ELF3: variants seen among roughly 807,000 people sequenced by gnomAD.
ELF3 encodes E74 like ETS transcription factor 3, also known as ETS-related transcription factor Elf-3.
ELF3 carries 18 observed loss-of-function variants against 43.9 expected under a neutral mutation model. The observed-to-expected ratio is 0.41, with a 90% CI of 0.28 to 0.61. The LOEUF (loss-of-function observed/expected upper bound fraction) is 0.61. Ranked by LOEUF, ELF3 falls within the 20% of genes least tolerant of loss-of-function variation. ELF3 has a pLI of 0.30. For missense variants in ELF3, 373 were observed against 487.7 expected (o/e 0.76, Z 2.21); for synonymous variants, 181 against 190.2 (o/e 0.95, Z 0.40).
rs1233101197 is a variant in ELF3, at chr1:202,015,881, G to A, written c.*558G>A. 6.4e-6 allele frequency: 1 copy of A among 156,160 alleles called. No individual in the cohort carries two copies. Among genetic ancestry groups the A allele is most frequent in the African/African-American group, 2.4e-5 (1 of 41,520 alleles). The allele number at this position is 156,160 out of a possible 1,614,324, so 9.7% of individuals were successfully genotyped here. On this transcript the variant is annotated 3_prime_UTR_variant, in exon 9 of 9. Coordinates refer to ENST00000367284, the MANE Select transcript of ELF3 (RefSeq NM_004433.5). ...CCCCTCCCCACTCCTCTCCCACAGA[G>A]TGCTGGACTGTTCCAGGCCCTCCAG...
rs1196495674 is a variant in ELF3 at position 202,015,563 on chromosome 1, G to C, written c.*240G>C. ...GGGGTTTGAAGCTGACTTTATAGCT[G>C]CAAGTGTATCTCCTTTTATCTGGTG... On this transcript the variant is annotated 3_prime_UTR_variant, in exon 9 of 9. Coordinates refer to ENST00000367284, the MANE Select transcript of ELF3 (RefSeq NM_004433.5). 7.6e-6 allele frequency: 4 copies of C among 525,068 alleles called. No individual in the cohort carries two copies. Among genetic ancestry groups the C allele is most frequent in the Non-Finnish European group, 1.4e-5 (4 of 289,780 alleles). 32.5% of individuals were successfully genotyped at this position (525,068 alleles called of 1,614,324 possible).
Position 202,013,561 on chromosome 1 carries a change from C to A in ELF3, c.805+263C>A, listed in dbSNP as rs1684255473. Among the ~76,000 whole-genome samples, 1 of 152,116 alleles carries A rather than the reference C, an allele frequency of 6.6e-6. No individual in the cohort carries two copies. The highest frequency in any genetic ancestry group is 2.4e-5 in the African/African-American group (1 of 41,360). ...GAGTCCTGTCCACTGACTCCAGTGT[C>A]CTGTCCACTGACTCCAGTTCTCTCT... On this transcript the variant is annotated intron_variant, in intron 7 of 8. Coordinates refer to ENST00000367284, the MANE Select transcript of ELF3 (RefSeq NM_004433.5). The surrounding 1 kb of genome is among the most constrained non-coding windows in gnomAD (Gnocchi z 5.7).
Position 202,011,124 on chromosome 1 carries a change from C to A in ELF3, c.-8-5C>A. ...CAACCTCATCCTCTCTCCCCCTACC[C>A]ACAGGTAGCCTCATGGCTGCAACCT... is the stretch of plus-strand genomic sequence containing the variant. On this transcript the variant is annotated splice_region_variant and splice_polypyrimidine_tract_variant and intron_variant, in intron 1 of 8. Coordinates refer to ENST00000367284, the MANE Select transcript of ELF3 (RefSeq NM_004433.5). The A allele has an allele frequency of 1.2e-6, 2 of 1,613,898 alleles. No individual in the cohort carries two copies. The highest frequency in any genetic ancestry group is 2.2e-5 in the South Asian group (2 of 91,064).
At chr1:202,014,159 G>A (rs2102994230) in intron 8 of ELF3, 135 bp downstream of exon 8, 1 of 1,093,620 alleles carries the variant, frequency 9.1e-7, no homozygotes, top group East Asian at 2.6e-5. Context: ...CAACATCTGG[G>A]TTGGTCTACT....
rs751475674 is a variant in ELF3, at chr1:202,013,240, G to A, written c.747G>A (p.Arg249=). The A allele has an allele frequency of 1.2e-6, 2 of 1,614,172 alleles. No homozygotes were observed. The highest frequency in any genetic ancestry group is 3.3e-5 in the Admixed American group (2 of 60,018). ...DPKHGKRKRG[R]PRKLSKEYWD... ...AGCACGGGAAGCGGAAACGAGGCCGGCCCCGAAAGCTGAGCAAAGAGTACT... is the reference window on the plus strand; with the variant it reads ...AGCACGGGAAGCGGAAACGAGGCCGACCCCGAAAGCTGAGCAAAGAGTACT... Residue 249 remains arginine (R), a synonymous_variant, in exon 7 of 9, where the codon CGG becomes CGA. Transcript: ENST00000367284. This position sits in a 1 kb window ranked among gnomAD's most constrained non-coding sequence, Gnocchi z 5.7.
rs949111193 is a variant in ELF3 at position 202,015,237 on chromosome 1, C to T, written c.1030C>T (p.Arg344Trp). 2.5e-6 allele frequency: 4 copies of T among 1,613,818 alleles called. No individual in the cohort carries two copies. Among genetic ancestry groups the T allele is most frequent in the East Asian group, 2.2e-5 (1 of 44,834 alleles). Residue 344 changes from arginine (R) to tryptophan (W), a missense_variant, in exon 9 of 9, where the codon CGG becomes TGG. Arg to Trp is a moderately radical substitution (Grantham distance 101, BLOSUM62 -3). This residue lies in a region of ELF3 where 61 missense variants were observed against 115.9 expected (regional missense o/e 0.53). Coordinates refer to ENST00000367284, the MANE Select transcript of ELF3 (RefSeq NM_004433.5). ...RYYYKREILE[R>W]VDGRRLVYKF... ...CTACTACAAACGGGAGATCCTGGAACGGGTGGATGGCCGGCGACTCGTCTA... is the reference window on the plus strand; with the variant it reads ...CTACTACAAACGGGAGATCCTGGAATGGGTGGATGGCCGGCGACTCGTCTA...
Position 202,010,845 on chromosome 1 carries a change from CAGAG to C in ELF3, c.-9+145_-9+148del. 2.4e-6 allele frequency: 1 copy of C among 409,374 alleles called. No individual in the cohort carries two copies. Among genetic ancestry groups the C allele is most frequent in the South Asian group, 2.6e-5 (1 of 39,038 alleles). The allele number at this position is 409,374 out of a possible 1,614,324, so 25.4% of individuals were successfully genotyped here. A position where few individuals can be genotyped will look rare whatever the true frequency, so the allele number is the denominator to read the frequency against. ...CGTAGGTGTCCTGAGGGTCAAAGAA[CAGAG>C]AGAGATTGTCTCTGGGAAGGCAGAA... On this transcript the variant is annotated intron_variant, in intron 1 of 8. Coordinates refer to ENST00000367284, the MANE Select transcript of ELF3 (RefSeq NM_004433.5). The surrounding 1 kb of genome is among the most constrained non-coding windows in gnomAD (Gnocchi z 4.3).
chr1:202,016,246 AGGACATG>A lies in ELF3; in HGVS notation c.*924_*930del, dbSNP rs1684308009. ...ACGCTTACAAGACTTCATGCAAGCA[AGGACATG>A]AACTCAGAACACTGAGGTCAGAAGC... On this transcript the variant is annotated 3_prime_UTR_variant, in exon 9 of 9. Transcript: ENST00000367284. 6.6e-6 allele frequency: 1 copy of A among 152,502 alleles called. No homozygotes were observed. Among genetic ancestry groups the A allele is most frequent in the Non-Finnish European group, 1.5e-5 (1 of 68,138 alleles). The allele number at this position is 152,502 out of a possible 1,614,324, so 9.4% of individuals were successfully genotyped here.
In ELF3 at chr1:202,013,392, C is replaced by A; in HGVS notation, c.805+94C>A. The A allele has an allele frequency of 7.7e-7, 1 of 1,290,620 alleles. No homozygotes were observed. Among genetic ancestry groups the A allele is most frequent in the Non-Finnish European group, 1.1e-6 (1 of 910,176 alleles). The allele number at this position is 1,290,620 out of a possible 1,614,324, so 79.9% of individuals were successfully genotyped here. On this transcript the variant is annotated intron_variant, in intron 7 of 8. Coordinates refer to ENST00000367284, the MANE Select transcript of ELF3 (RefSeq NM_004433.5). This position sits in a 1 kb window ranked among gnomAD's most constrained non-coding sequence, Gnocchi z 5.7. ...TTGCAGGTATCCCTTCTCCCGTTTT[C>A]TCTGGCCTCCGCATGGCCTTTGGTA... is the stretch of plus-strand genomic sequence containing the variant.
chr1:202,012,095 C>G lies in ELF3; in HGVS notation c.302C>G (p.Thr101Ser), dbSNP rs1684210630. Residue 101 changes from threonine (T) to serine (S), a missense_variant, in exon 3 of 9, where the codon ACC becomes AGC. Around this residue, in one of 3 missense-constraint regions of ELF3, gnomAD observed 311 missense variants for 351.2 expected, o/e 0.89. Transcript: ENST00000367284. This position sits in a 1 kb window ranked among gnomAD's most constrained non-coding sequence, Gnocchi z 4.2. ...DFSRCDMDGA[T>S]LCNCALEELR... is the part of the protein sequence containing the mutation. ...TCACGATGTGACATGGATGGCGCCA[C>G]CCTCTGCAATTGTGCCCTTGAGGAG... is the stretch of plus-strand genomic sequence containing the variant. 6.2e-7 allele frequency: 1 copy of G among 1,614,048 alleles called. No homozygotes were observed. Among genetic ancestry groups the G allele is most frequent in the South Asian group, 1.1e-5 (1 of 91,084 alleles).
Position 202,015,907 on chromosome 1 carries a change from T to G in ELF3, c.*584T>G, listed in dbSNP as rs1571664210. The G allele has an allele frequency of 6.6e-6, 1 of 152,634 alleles. No individual in the cohort carries two copies. The highest frequency in any genetic ancestry group is 2.4e-5 in the African/African-American group (1 of 41,582). The allele number at this position is 152,634 out of a possible 1,614,324, so 9.5% of individuals were successfully genotyped here. ...TGCTGGACTGTTCCAGGCCCTCCAG[T>G]GGGCTGATGCTGGGACCCTTAGGAT... On this transcript the variant is annotated 3_prime_UTR_variant, in exon 9 of 9. Transcript: ENST00000367284.
At chr1:202,011,324 G>T (rs1205719639) in intron 2 of ELF3, 25 bp downstream of exon 2, 3 of 1,533,512 alleles carry the variant, frequency 2.0e-6, no homozygotes, top group African/African-American at 2.8e-5. Flanking sequence ...GGTGGGATGG[G>T]GCACGGAGTG....
chr1:202,012,246 C>T lies in ELF3; in HGVS notation c.385+68C>T, dbSNP rs1374797072. 6.2e-6 allele frequency: 10 copies of T among 1,605,420 alleles called. No individual in the cohort carries two copies. The highest frequency in any genetic ancestry group is 1.8e-4 in the Middle Eastern group (1 of 5,422). ...TGAGCTGAGTCGAGTTCAGTGTGGCCGTAGGCAGGCCCTGGAGCTCTGGGC... is the reference window on the plus strand; with the variant it reads ...TGAGCTGAGTCGAGTTCAGTGTGGCTGTAGGCAGGCCCTGGAGCTCTGGGC... On this transcript the variant is annotated intron_variant, in intron 3 of 8. Coordinates refer to ENST00000367284, the MANE Select transcript of ELF3 (RefSeq NM_004433.5). This position sits in a 1 kb window ranked among gnomAD's most constrained non-coding sequence, Gnocchi z 4.2.
chr1:202,014,092 CCT>C (rs1684267846), intron 8 of ELF3, 68 bp downstream of exon 8: 2 of 1,496,052 alleles, frequency 1.3e-6, no homozygotes, highest in Non-Finnish European at 1.8e-6. Context: ...CTCCCACCGC[CCT>C]CTTTCTGGCT....
In ELF3 at chr1:202,015,549, C is replaced by A; in HGVS notation, c.*226C>A. 3.6e-6 allele frequency: 2 copies of A among 550,088 alleles called. No individual in the cohort carries two copies. Among genetic ancestry groups the A allele is most frequent in the Non-Finnish European group, 6.5e-6 (2 of 305,522 alleles). 34.1% of individuals were successfully genotyped at this position (550,088 alleles called of 1,614,324 possible). On this transcript the variant is annotated 3_prime_UTR_variant, in exon 9 of 9. Coordinates refer to ENST00000367284, the MANE Select transcript of ELF3 (RefSeq NM_004433.5). ...GAATTACAAGCCCTGGGGTTTGAAG[C>A]TGACTTTATAGCTGCAAGTGTATCT...
rs749899567 is a variant in ELF3 at position 202,015,361 on chromosome 1, C to T, written c.*38C>T. 3.7e-6 allele frequency: 6 copies of T among 1,605,126 alleles called. No homozygotes were observed. In the South Asian group the frequency reaches 5.5e-5, roughly 15 times the overall value. The stretch of plus-strand genomic sequence containing the variant: ...TACCCGGGACCAAACTCACGGACCA[C>T]TCGAGGCCTGCAAACCTTCCTGGGA... On this transcript the variant is annotated 3_prime_UTR_variant, in exon 9 of 9. Coordinates refer to ENST00000367284, the MANE Select transcript of ELF3 (RefSeq NM_004433.5).
chr1:202,012,195 G>A lies in ELF3; in HGVS notation c.385+17G>A. The A allele has an allele frequency of 6.2e-7, 1 of 1,611,010 alleles. No individual in the cohort carries two copies. Among genetic ancestry groups the A allele is most frequent in the Non-Finnish European group, 8.5e-7 (1 of 1,178,980 alleles). On this transcript the variant is annotated intron_variant, in intron 3 of 8. Transcript: ENST00000367284. The surrounding 1 kb of genome is among the most constrained non-coding windows in gnomAD (Gnocchi z 4.2). ...GAGACCTCAGTGAGTCCAGGCCCCT[G>A]GAGGCTGGGGAGCAGCTCCACATGT...
At chr1:202,014,900 G>T in intron 8 of ELF3, 1 of 296,404 alleles carries the variant, frequency 3.4e-6, no homozygotes. Flanking sequence ...GAGCCACCGT[G>T]CCCAGCTCCC....
chr1:202,014,385 C>T (rs761841608), intron 8 of ELF3, among the ~76,000 whole-genome samples: 3 of 152,218 alleles, frequency 2.0e-5, no homozygotes, highest in Non-Finnish European at 2.9e-5. Context: ...CCTCAGTTTC[C>T]TCCTGTGTCC....
Sources: gnomAD v4.1 joint callset for allele counts (sites outside exome capture counted in the v4.1 genomes callset) on GRCh38, gnomAD v4.1.1 for gene constraint, gnomAD v4.1.1 regional missense constraint, Gnocchi (gnomAD v3.1) non-coding constraint, MANE v1.5 for transcripts, NCBI Gene and HGNC (gene_info 2026-07-23, HGNC 2026-07-21) for gene names.